Variants in EVA1A observed in about 807,000 individuals in gnomAD.
The protein encoded by EVA1A is protein eva-1 homolog A.
EVA1A carries 7 observed loss-of-function variants against 9.8 expected under a neutral mutation model. The observed-to-expected ratio is 0.71, with a 90% CI of 0.41 to 1.34. The LOEUF is 1.34. Ranked by LOEUF, EVA1A falls within the 40% of genes most tolerant of loss-of-function variation. EVA1A has a pLI of 0.01. For synonymous variants in EVA1A, 90 were observed against 85.6 expected (o/e 1.05, Z -0.28); for missense variants, 206 against 205.9 (o/e 1.00, Z 0.00).
intron 1 of EVA1A, among the ~76,000 whole-genome samples, chr2:75,547,624 A>T (rs927337827): frequency 1.3e-5 from 2 of 152,158 alleles, no homozygotes; most frequent in Non-Finnish European, 2.9e-5. Context: ...ACAACTAGAC[A>T]TGTTCTCATC....
In EVA1A at chr2:75,551,104, A is replaced by G. The variant is rs575771526; in HGVS notation, c.-192+9576T>C. Reference sequence around the variant, plus strand: ...CACCACACATTCCAGCCTGGGCGACAGAGCAAGACTCTGCTCAAAAACAAA... The same window carrying G: ...CACCACACATTCCAGCCTGGGCGACGGAGCAAGACTCTGCTCAAAAACAAA... On this transcript the variant is annotated intron_variant, in intron 1 of 3. Transcript: ENST00000393913. Among the ~76,000 whole-genome samples, 262 of 152,312 alleles carry G rather than the reference A, an allele frequency of 1.7e-3. 3 individuals carry two copies. Among genetic ancestry groups the G allele is most frequent in the African/African-American group, 6.1e-3 (253 of 41,552 alleles).
At chr2:75,496,515 C>T (rs1042577915) in intron 3 of EVA1A, among the ~76,000 whole-genome samples, 7 of 152,122 alleles carry the variant, frequency 4.6e-5, no homozygotes, top group Non-Finnish European at 1.0e-4. Context: ...CAAAACACTG[C>T]TGAAAGAAAT....
intron 3 of EVA1A, among the ~76,000 whole-genome samples, chr2:75,498,254 T>A (rs932648554): frequency 5.5e-5 from 8 of 145,196 alleles, no homozygotes; most frequent in African/African-American, 2.0e-4. Context: ...CTGCATGTTG[T>A]CACTTATAAG....
At chr2:75,521,494 T>C (rs1675228237) in intron 2 of EVA1A, among the ~76,000 whole-genome samples, 1 of 152,216 alleles carries the variant, frequency 6.6e-6, no homozygotes, top group South Asian at 2.1e-4. Context: ...AATGCAATAT[T>C]ACGCACAGCC....
intron 3 of EVA1A, among the ~76,000 whole-genome samples, chr2:75,513,580 C>T (rs1288926003): frequency 6.6e-6 from 1 of 152,170 alleles, no homozygotes; most frequent in Non-Finnish European, 1.5e-5. Flanking sequence ...GAGATATCTG[C>T]ACTCCATACT....
At chr2:75,562,320 A>T (rs933862828), upstream of EVA1A, among the ~76,000 whole-genome samples, 2 of 152,014 alleles carry the variant, frequency 1.3e-5, no homozygotes, top group African/African-American at 4.8e-5. Context: ...TCTGGGGTGG[A>T]GCTCCCACAT....
chr2:75,562,934 T>G (rs1212340548), upstream of EVA1A, among the ~76,000 whole-genome samples: 1 of 152,206 alleles, frequency 6.6e-6, no homozygotes, highest in Admixed American at 6.5e-5. Flanking sequence ...CAGGTGCCAA[T>G]AGGTGAGCAC....
chr2:75,548,562 C>G (rs1238101158), intron 1 of EVA1A, among the ~76,000 whole-genome samples: 1 of 152,170 alleles, frequency 6.6e-6, no homozygotes, highest in Non-Finnish European at 1.5e-5. Context: ...TTCACATATT[C>G]TTTAAGATTA....
intron 1 of EVA1A, among the ~76,000 whole-genome samples, chr2:75,546,584 C>G (rs1017154116): frequency 4.6e-5 from 7 of 152,106 alleles, no homozygotes; most frequent in African/African-American, 1.7e-4. Flanking sequence ...CAGATGAAGA[C>G]ACCTTGGAGA....
chr2:75,501,465 G>C (rs1001838858), intron 3 of EVA1A, among the ~76,000 whole-genome samples: 4 of 152,192 alleles, frequency 2.6e-5, no homozygotes, highest in Admixed American at 2.6e-4. Context: ...AGAATTTAAA[G>C]TAATCCTTCA....
intron 3 of EVA1A, among the ~76,000 whole-genome samples, chr2:75,501,024 C>CAA (rs78473697): frequency 6.8e-5 from 9 of 131,570 alleles, no homozygotes; most frequent in Admixed American, 1.6e-4. Flanking sequence ...ATTACTTTTA[C>CAA]AAAAAAAAAA....
intron 1 of EVA1A, among the ~76,000 whole-genome samples, chr2:75,545,537 C>G (rs747832832): frequency 1.3e-5 from 2 of 152,046 alleles, no homozygotes; most frequent in African/African-American, 2.4e-5. Context: ...TTAGGGCCAG[C>G]GTAACTGAGG....
intron 1 of EVA1A, chr2:75,540,949 G>A (rs1291923015): frequency 1.3e-5 from 2 of 152,234 alleles, no homozygotes; most frequent in Non-Finnish European, 2.9e-5. Flanking sequence ...AAAAACCTGG[G>A]ACGCAGCATG....
rs891098988 is a variant in EVA1A, at chr2:75,492,975, G to A, written c.*261C>T. ...AGAGAAACCACAGTCGCGTTTCTCC[G>A]ATCTCCATCCACAGTGTTGGAGAGG... is the stretch of plus-strand genomic sequence containing the variant. On this transcript the variant is annotated 3_prime_UTR_variant, in exon 4 of 4. Coordinates refer to ENST00000393913, the MANE Select transcript of EVA1A (RefSeq NM_001135032.2). The A allele has an allele frequency of 3.1e-5, 14 of 457,904 alleles. No homozygotes were observed. Among genetic ancestry groups the A allele is most frequent in the Non-Finnish European group, 5.4e-5 (14 of 260,420 alleles). The allele number at this position is 457,904 out of a possible 1,614,324, so 28.4% of individuals were successfully genotyped here.
intron 3 of EVA1A, among the ~76,000 whole-genome samples, chr2:75,511,872 T>G (rs1026560365): frequency 4.6e-5 from 7 of 151,774 alleles, no homozygotes; most frequent in African/African-American, 1.7e-4. Context: ...ACTAAACAAA[T>G]AAATAAAATA....
In EVA1A at chr2:75,518,579, C is replaced by T. The variant is rs539260758; in HGVS notation, c.-68-371G>A. On this transcript the variant is annotated intron_variant, in intron 2 of 3. Coordinates refer to ENST00000393913, the MANE Select transcript of EVA1A (RefSeq NM_001135032.2). The stretch of plus-strand genomic sequence containing the variant: ...GAAACTCCTTACATCCCTGATTTTC[C>T]TGACCTTTCTCCTTTCTCTGCCCTG... 1.5e-4 allele frequency: 146 copies of T among 991,348 alleles called. 1 individual carries two copies. The South Asian group carries it at 5.4e-3, about 37-fold the overall frequency. The allele number at this position is 991,348 out of a possible 1,614,324, so 61.4% of individuals were successfully genotyped here.
chr2:75,545,700 T>A (rs1676305777), intron 1 of EVA1A, among the ~76,000 whole-genome samples: 1 of 152,084 alleles, frequency 6.6e-6, no homozygotes, highest in African/African-American at 2.4e-5. Context: ...CAGAAATCAT[T>A]CATTCACTCA....
chr2:75,522,635 G>A (rs1351452043), intron 1 of EVA1A, 148 bp from the exon 2 acceptor site: 1 of 152,272 alleles, frequency 6.6e-6, no homozygotes, highest in Non-Finnish European at 1.5e-5. Flanking sequence ...CCCCAGAGAG[G>A]AGAAAGCCCA....
chr2:75,556,172 C>G (rs2103984078), intron 1 of EVA1A, among the ~76,000 whole-genome samples: 2 of 152,336 alleles, frequency 1.3e-5, no homozygotes, highest in Middle Eastern at 3.4e-3. Context: ...GGTTCTGCCA[C>G]CACTCTAGTC....
Sources: allele counts gnomAD v4.1 joint callset (sites outside exome capture counted in the v4.1 genomes callset), GRCh38; gene constraint gnomAD v4.1.1; transcripts MANE v1.5; gene names NCBI Gene and HGNC (gene_info 2026-07-23, HGNC 2026-07-21).